Variants in FGF7 observed in about 807,000 individuals in gnomAD.
The protein encoded by FGF7 is fibroblast growth factor 7.
Under a neutral mutation model 20.5 loss-of-function variants are expected in FGF7, and 6 were observed. The observed-to-expected ratio is 0.29, with a 90% confidence interval of 0.16 to 0.58. The LOEUF (loss-of-function observed/expected upper bound fraction) is 0.58, where lower values mean the gene tolerates loss of function less well. Among genes scored for constraint, FGF7 ranks in the 20% least tolerant of loss-of-function variants. FGF7 has a pLI of 0.90. For missense variants in FGF7, 144 were observed against 228.8 expected, an observed-to-expected ratio of 0.63 and a Z score of 2.39; for synonymous variants, 64 against 74.7, an observed-to-expected ratio of 0.86 and a Z score of 0.74.
intron 2 of FGF7, among the ~76,000 whole-genome samples, chr15:49,461,347 A>G (rs1437615088): frequency 1.3e-5 from 2 of 152,222 alleles, no homozygotes; most frequent in Non-Finnish European, 2.9e-5. Flanking sequence ...CTGAGTAGGT[A>G]TACAGTCAAT....
At chr15:49,467,863 C>T (rs567988781) in intron 2 of FGF7, among the ~76,000 whole-genome samples, 1 of 152,026 alleles carries the variant, frequency 6.6e-6, no homozygotes, top group Non-Finnish European at 1.5e-5. Context: ...ATAAGGAAAA[C>T]GATCAGTAAA....
intron 2 of FGF7, among the ~76,000 whole-genome samples, chr15:49,465,391 C>T (rs1158472124): frequency 6.6e-6 from 1 of 151,988 alleles, no homozygotes; most frequent in East Asian, 1.9e-4. Context: ...CCACCTCGGC[C>T]TCCCAAAGTG....
intron 2 of FGF7, among the ~76,000 whole-genome samples, chr15:49,477,651 T>C (rs1346986217): frequency 6.6e-6 from 1 of 152,168 alleles, no homozygotes. Flanking sequence ...CATGTTCAGG[T>C]TTTTGTGTGG....
chr15:49,477,544 G>A (rs1236785857), intron 2 of FGF7, among the ~76,000 whole-genome samples: 1 of 152,302 alleles, frequency 6.6e-6, no homozygotes, highest in Admixed American at 6.5e-5. Flanking sequence ...TAATATTCCA[G>A]TGTATACGTG....
At chr15:49,465,888 T>G (rs1027871083) in intron 2 of FGF7, among the ~76,000 whole-genome samples, 1 of 152,190 alleles carries the variant, frequency 6.6e-6, no homozygotes, top group African/African-American at 2.4e-5. Context: ...GACACACTAC[T>G]TAATATGGTG....
intron 2 of FGF7, among the ~76,000 whole-genome samples, chr15:49,467,129 C>T (rs538121344): frequency 2.6e-5 from 4 of 152,010 alleles, no homozygotes; most frequent in Non-Finnish European, 5.9e-5. Flanking sequence ...GTAAGTTTCA[C>T]GGAGTATATT....
chr15:49,450,732 C>A (rs1408084375), intron 2 of FGF7, among the ~76,000 whole-genome samples: 1 of 151,872 alleles, frequency 6.6e-6, no homozygotes, highest in Non-Finnish European at 1.5e-5. Context: ...TCTTTAAATC[C>A]AGTTTAACAA....
intron 2 of FGF7, among the ~76,000 whole-genome samples, chr15:49,448,394 A>T (rs2052415089): frequency 6.6e-6 from 1 of 151,136 alleles, no homozygotes; most frequent in Non-Finnish European, 1.5e-5. Flanking sequence ...CTTTGCTTTA[A>T]CTAACCACAA....
intron 2 of FGF7, among the ~76,000 whole-genome samples, chr15:49,459,663 T>C (rs1225601130): frequency 6.6e-6 from 1 of 152,198 alleles, no homozygotes; most frequent in Non-Finnish European, 1.5e-5. Context: ...TCTATAGTTC[T>C]CTACACTATT....
chr15:49,462,853 C>T (rs540706985), intron 2 of FGF7, among the ~76,000 whole-genome samples: 7 of 152,062 alleles, frequency 4.6e-5, no homozygotes, highest in East Asian at 1.9e-4. Context: ...AAATTATAAA[C>T]GATATTACAT....
rs1597520139 is a variant in FGF7, at chr15:49,488,714, C to G, written c.*4210C>G. ...ATGAAAAACCCTTCTCTTGATGAATCCTTCCATGTGTTAGTTATCTATTGC... is the reference window on the plus strand; with the variant it reads ...ATGAAAAACCCTTCTCTTGATGAATGCTTCCATGTGTTAGTTATCTATTGC... On this transcript the variant is annotated 3_prime_UTR_variant, in exon 4 of 4. Transcript: ENST00000267843. The G allele has an allele frequency of 6.6e-6, 1 of 151,978 alleles. No homozygotes were observed. Among genetic ancestry groups the G allele is most frequent in the Non-Finnish European group, 1.5e-5 (1 of 67,934 alleles). 9.4% of individuals were successfully genotyped at this position (151,978 alleles called of 1,614,324 possible).
chr15:49,480,474 A>ATTTTT (rs35283556), intron 2 of FGF7, among the ~76,000 whole-genome samples: 6 of 100,900 alleles, frequency 5.9e-5, no homozygotes, highest in South Asian at 6.9e-4. Context: ...TGCCCAACTA[A>ATTTTT]TTTTTTTTTT....
intron 2 of FGF7, among the ~76,000 whole-genome samples, chr15:49,443,747 T>C (rs1187739002): frequency 6.6e-6 from 1 of 151,744 alleles, no homozygotes; most frequent in African/African-American, 2.4e-5. Context: ...GTCAGAACTA[T>C]AGTTGTTCCT....
chr15:49,468,967 A>G (rs572138185), intron 2 of FGF7, among the ~76,000 whole-genome samples: 3 of 152,254 alleles, frequency 2.0e-5, no homozygotes, highest in African/African-American at 7.2e-5. Context: ...ACATTACTAA[A>G]GGTCATTTGC....
intron 2 of FGF7, among the ~76,000 whole-genome samples, chr15:49,448,603 CT>C (rs953275297): frequency 1.3e-5 from 2 of 151,416 alleles, no homozygotes; most frequent in African/African-American, 2.4e-5. Flanking sequence ...ATTCTCTTCA[CT>C]TTTTTTCAGT....
chr15:49,443,163 T>G (rs900707245), intron 2 of FGF7, among the ~76,000 whole-genome samples: 1 of 151,730 alleles, frequency 6.6e-6, no homozygotes, highest in East Asian at 1.9e-4. Flanking sequence ...TTCAAAAATT[T>G]TGTTAACTTA....
intron 2 of FGF7, among the ~76,000 whole-genome samples, chr15:49,426,204 G>A (rs2050119691): frequency 6.6e-6 from 1 of 151,744 alleles, no homozygotes; most frequent in Non-Finnish European, 1.5e-5. Flanking sequence ...TGTGGGATAG[G>A]TACAGATGAT....
At chr15:49,460,759 T>C (rs547683752) in intron 2 of FGF7, among the ~76,000 whole-genome samples, 1 of 152,334 alleles carries the variant, frequency 6.6e-6, no homozygotes, top group African/African-American at 2.4e-5. Context: ...GCAGCTTCTT[T>C]GTTTTGGCAA....
chr15:49,449,980 A>G (rs1280882125), intron 2 of FGF7, among the ~76,000 whole-genome samples: 1 of 152,110 alleles, frequency 6.6e-6, no homozygotes, highest in Non-Finnish European at 1.5e-5. Context: ...CTCAATCACA[A>G]ACTAGACTGT....
Sources: allele counts gnomAD v4.1 joint callset (sites outside exome capture counted in the v4.1 genomes callset), GRCh38; gene constraint gnomAD v4.1.1; transcripts MANE v1.5; gene names NCBI Gene and HGNC (gene_info 2026-07-23, HGNC 2026-07-21).